TULP4: variants seen among roughly 807,000 people sequenced by gnomAD.
The protein encoded by TULP4 is TUB like protein 4.
Under a neutral mutation model 129.0 loss-of-function variants are expected in TULP4, and 16 were observed. The ratio of observed to expected loss-of-function variants is 0.12; its 90% CI spans 0.08 to 0.19. The LOEUF is 0.19. Among genes scored for constraint, TULP4 ranks in the 10% least tolerant of loss-of-function variants. The pLI is 1.00. For synonymous variants in TULP4, 998 were observed against 854.0 expected, an observed-to-expected ratio of 1.17 and a Z score of -2.94; for missense variants, 1,842 against 2,059.1, an observed-to-expected ratio of 0.89 and a Z score of 2.04.
intron 1 of TULP4, among the ~76,000 whole-genome samples, chr6:158,295,613 G>A (rs139783098): frequency 0.011 from 1,689 of 152,198 alleles, 36 homozygotes; most frequent in African/African-American, 0.037. Context: ...GCATTGGCCA[G>A]GCATGGTGGC....
At chr6:158,263,977 TG>T (rs1778398541) in intron 1 of TULP4, among the ~76,000 whole-genome samples, 1 of 150,996 alleles carries the variant, frequency 6.6e-6, no homozygotes, top group Admixed American at 6.6e-5. Context: ...ACAGGAGAAT[TG>T]TTTGAATCCA....
chr6:158,473,461 A>G (rs1779737563), intron 6 of TULP4, among the ~76,000 whole-genome samples: 1 of 152,216 alleles, frequency 6.6e-6, no homozygotes. Flanking sequence ...TGTATTCAAA[A>G]TTGTCTGTGG....
chr6:158,252,959 A>G (rs1212034942), intron 1 of TULP4, among the ~76,000 whole-genome samples: 1 of 152,216 alleles, frequency 6.6e-6, no homozygotes, highest in Non-Finnish European at 1.5e-5. Context: ...TTAGATGGAA[A>G]ATAATCTTAG....
At position 158,446,891 on chromosome 6, in the gene TULP4, G is replaced by T. The variant is rs151338395; in HGVS notation, c.544-2105G>T. On this transcript the variant is annotated intron_variant, in intron 3 of 13. Coordinates refer to ENST00000367097, the MANE Select transcript of TULP4 (RefSeq NM_020245.5). ...TATATGGGCGCTAATCCTATCGTGGGCGCCCCACCCTCACGACCTTGTCTA... is the reference window on the plus strand; with the variant it reads ...TATATGGGCGCTAATCCTATCGTGGTCGCCCCACCCTCACGACCTTGTCTA... Among the ~76,000 whole-genome samples, 389 of 152,254 alleles carry T rather than the reference G, an allele frequency of 2.6e-3. 4 individuals are homozygous for T. Among genetic ancestry groups the T allele is most frequent in the African/African-American group, 9.0e-3 (375 of 41,548 alleles).
At chr6:158,495,472 C>T (rs1260686625) in intron 11 of TULP4, among the ~76,000 whole-genome samples, 3 of 152,214 alleles carry the variant, frequency 2.0e-5, no homozygotes, top group East Asian at 1.9e-4. Context: ...AAAACTTTGA[C>T]TTCTAGGCCT....
At chr6:158,444,803 A>T (rs887369818) in intron 3 of TULP4, among the ~76,000 whole-genome samples, 5 of 152,244 alleles carry the variant, frequency 3.3e-5, no homozygotes, top group Admixed American at 2.0e-4. Flanking sequence ...GGATATCATT[A>T]TTGCATTGCT....
intron 1 of TULP4, among the ~76,000 whole-genome samples, chr6:158,233,355 A>G: frequency 6.6e-6 from 1 of 152,344 alleles, no homozygotes; most frequent in East Asian, 1.9e-4. Context: ...AAGTCATTGC[A>G]ATAGGCAGGT....
In TULP4 at chr6:158,493,465, C is replaced by A; in HGVS notation, c.1632-108C>A. 8.0e-7 allele frequency: 1 copy of A among 1,246,546 alleles called. No homozygotes were observed. The highest frequency in any genetic ancestry group is 1.0e-6 in the Non-Finnish European group (1 of 953,718). The allele number at this position is 1,246,546 out of a possible 1,614,324, so 77.2% of individuals were successfully genotyped here. On this transcript the variant is annotated intron_variant, in intron 9 of 13. Transcript: ENST00000367097. The surrounding 1 kb of genome is among the most constrained non-coding windows in gnomAD (Gnocchi z 4.4). ...TCGGGCACTGGCTGCAGGGTGAGAACCCAACACCCAGGCTGGCTGTCCAGA... is the reference window on the plus strand; with the variant it reads ...TCGGGCACTGGCTGCAGGGTGAGAAACCAACACCCAGGCTGGCTGTCCAGA...
At chr6:158,411,996 G>A (rs1010404979) in intron 1 of TULP4, among the ~76,000 whole-genome samples, 1 of 152,158 alleles carries the variant, frequency 6.6e-6, no homozygotes, top group Non-Finnish European at 1.5e-5. Flanking sequence ...GTAGACAAGG[G>A]TTCAAATCTT....
chr6:158,415,804 G>C (rs1011974535), intron 2 of TULP4, among the ~76,000 whole-genome samples: 1 of 152,124 alleles, frequency 6.6e-6, no homozygotes, highest in South Asian at 2.1e-4. Context: ...TCTCTAGAGG[G>C]GTGGAACTAA....
chr6:158,383,896 G>A (rs911941849), intron 1 of TULP4, among the ~76,000 whole-genome samples: 3 of 152,238 alleles, frequency 2.0e-5, no homozygotes, highest in African/African-American at 7.2e-5. Flanking sequence ...CTGTCTTCCA[G>A]GAGTTGAATG....
chr6:158,261,754 G>C (rs1338609250), intron 1 of TULP4, among the ~76,000 whole-genome samples: 3 of 152,166 alleles, frequency 2.0e-5, no homozygotes, highest in Non-Finnish European at 4.4e-5. Flanking sequence ...CATGGCTCCT[G>C]CTGATCAGGG....
chr6:158,289,894 T>A (rs1778902088), intron 1 of TULP4, among the ~76,000 whole-genome samples: 2 of 152,170 alleles, frequency 1.3e-5, no homozygotes, highest in African/African-American at 4.8e-5. Context: ...CATAAGCATT[T>A]AAGGCAATGA....
chr6:158,252,407 G>A (rs1435209332), intron 1 of TULP4, among the ~76,000 whole-genome samples: 3 of 149,030 alleles, frequency 2.0e-5, no homozygotes, highest in South Asian at 2.1e-4. Context: ...GTGGAGTCTC[G>A]CTCTGTCACC....
At chr6:158,495,069 T>C (rs1245706716) in intron 11 of TULP4, among the ~76,000 whole-genome samples, 1 of 152,136 alleles carries the variant, frequency 6.6e-6, no homozygotes, top group Non-Finnish European at 1.5e-5. Flanking sequence ...TTAAATCTTT[T>C]AACTTTTTTT....
intron 1 of TULP4, among the ~76,000 whole-genome samples, chr6:158,339,047 G>T (rs1451034665): frequency 6.6e-6 from 1 of 152,194 alleles, no homozygotes; most frequent in Non-Finnish European, 1.5e-5. Context: ...ACACATTGGT[G>T]TGCCAGATAT....
At position 158,503,989 on chromosome 6, in the gene TULP4, G is replaced by C. The variant is rs1373032999; in HGVS notation, c.4326G>C (p.Leu1442=). ...SKRSPRAAGE[L]EEAKCRRASE... is the part of the protein sequence containing the mutation. ...GCTCCCCACGGGCCGCCGGCGAGCT[G>C]GAGGAGGCCAAGTGCCGGCGGGCCA... The change falls in exon 13 of 14, where the codon CTG becomes CTC. Residue 1442 remains leucine, a synonymous_variant. Coordinates refer to ENST00000367097, the MANE Select transcript of TULP4 (RefSeq NM_020245.5). The surrounding 1 kb of genome is among the most constrained non-coding windows in gnomAD (Gnocchi z 4.3). 1.9e-6 allele frequency: 3 copies of C among 1,613,086 alleles called. No homozygotes were observed. The East Asian group carries it at 6.7e-5, about 36-fold the overall frequency.
intron 1 of TULP4, among the ~76,000 whole-genome samples, chr6:158,407,563 A>T (rs1033595207): frequency 6.6e-6 from 1 of 152,210 alleles, no homozygotes; most frequent in Non-Finnish European, 1.5e-5. Flanking sequence ...CTTGCACACA[A>T]AAGTTCATAG....
chr6:158,482,774 G>T (rs866113412), intron 8 of TULP4, among the ~76,000 whole-genome samples: 1 of 152,080 alleles, frequency 6.6e-6, no homozygotes, highest in Non-Finnish European at 1.5e-5. Context: ...AAATGTTGGC[G>T]ATAACTTAGG....
Sources: gnomAD v4.1 joint callset for allele counts (sites outside exome capture counted in the v4.1 genomes callset) on GRCh38, gnomAD v4.1.1 for gene constraint, Gnocchi (gnomAD v3.1) non-coding constraint, MANE v1.5 for transcripts, NCBI Gene and HGNC (gene_info 2026-07-23, HGNC 2026-07-21) for gene names.